The following STYXL1 variants were observed in gnomAD, a reference collection of about 807,000 sequenced individuals.
STYXL1 encodes serine/threonine/tyrosine-interacting-like protein 1.
A neutral mutation model predicts 36.4 loss-of-function variants in STYXL1; 32 were observed. That is an observed-to-expected ratio of 0.88 (90% confidence interval 0.66 to 1.18). STYXL1 has a LOEUF of 1.18. Among genes scored for constraint, STYXL1 ranks in the 50% most tolerant of loss-of-function variants. The pLI is 0.00. For missense variants in STYXL1, 354 were observed against 394.1 expected, an observed-to-expected ratio of 0.90 and a Z score of 0.86; for synonymous variants, 133 against 144.1, an observed-to-expected ratio of 0.92 and a Z score of 0.55.
chr7:76,013,624 C>G (rs994880252), intron 5 of STYXL1, 118 bp downstream of exon 5: 3 of 1,441,832 alleles, frequency 2.1e-6, no homozygotes, highest in Non-Finnish European at 2.9e-6. Context: ...AGAATCTCCT[C>G]CACTTTCTCT....
In STYXL1 at chr7:76,012,361, G is replaced by A. The variant is rs782127722; in HGVS notation, c.453+1381C>T. On this transcript the variant is annotated intron_variant, in intron 5 of 8. Transcript: ENST00000359697. ...CATGGCAACGGCTCACTGCAGCCTC[G>A]ACCTCCTGGGCTCAAGCAATCCACC... 1.1e-4 allele frequency among the ~76,000 whole-genome samples: 16 copies of A among 151,784 alleles called. No homozygotes were observed. In the East Asian group the frequency reaches 1.2e-3, roughly 11 times the overall value.
At chr7:75,998,003 G>A (rs781932484) in intron 8 of STYXL1, among the ~76,000 whole-genome samples, 12 of 152,138 alleles carry the variant, frequency 7.9e-5, no homozygotes, top group Non-Finnish European at 1.5e-4. Context: ...ATATTATTAA[G>A]ATGCCAATAC....
At position 75,996,563 on chromosome 7, in the gene STYXL1, T is replaced by C; in HGVS notation, c.847A>G (p.Met283Val). 4 of 1,614,182 alleles carry C rather than the reference T, an allele frequency of 2.5e-6. No homozygotes were observed. Among genetic ancestry groups the C allele is most frequent in the Non-Finnish European group, 3.4e-6 (4 of 1,180,010 alleles). The change falls in exon 9 of 9, where the codon ATG (methionine) becomes GTG (valine). Residue 283 changes from methionine to valine, a missense_variant. Transcript: ENST00000359697. ...WAYVKKCKNN[M>V]CPNRGLVSQL... Reference sequence around the variant, plus strand: ...CTCACCAATCCCCGATTTGGACACATGTTGTTTTTGCACTTCTTGACATAG... The same window carrying C: ...CTCACCAATCCCCGATTTGGACACACGTTGTTTTTGCACTTCTTGACATAG...
rs782126201 is a variant in STYXL1, at chr7:76,005,231, T to C, written c.599+28A>G. ...ATATTATATAAAAAATAAAATGAAA[T>C]ATAAATCAGTAGTTTCTCTTTACTT... On this transcript the variant is annotated intron_variant, in intron 6 of 8. Coordinates refer to ENST00000359697, the MANE Select transcript of STYXL1 (RefSeq NM_001317785.2). 4.7e-6 allele frequency: 6 copies of C among 1,288,354 alleles called. 1 individual carries two copies. Among genetic ancestry groups the C allele is most frequent in the Non-Finnish European group, 6.1e-6 (6 of 987,908 alleles). The allele number at this position is 1,288,354 out of a possible 1,614,324, so 79.8% of individuals were successfully genotyped here. A position where few individuals can be genotyped will look rare whatever the true frequency, so the allele number is the denominator to read the frequency against.
intron 4 of STYXL1, among the ~76,000 whole-genome samples, chr7:76,018,056 C>T (rs1002309218): frequency 1.7e-4 from 26 of 151,552 alleles, no homozygotes; most frequent in African/African-American, 6.3e-4. Flanking sequence ...TTATTTGAGA[C>T]AGAGTCTCAC....
chr7:76,000,601 G>A (rs1585172928), intron 8 of STYXL1: 1 of 530,714 alleles, frequency 1.9e-6, no homozygotes, highest in East Asian at 4.8e-5. Context: ...TCTCCCTTGG[G>A]CAACACCAAA....
At chr7:76,006,950 T>A (rs1472074201) in intron 5 of STYXL1, among the ~76,000 whole-genome samples, 1 of 152,126 alleles carries the variant, frequency 6.6e-6, no homozygotes, top group Non-Finnish European at 1.5e-5. Flanking sequence ...GTGTTCCACA[T>A]CCATATATTC....
At chr7:76,022,597 G>A (rs929171585) in intron 3 of STYXL1, among the ~76,000 whole-genome samples, 24 of 152,100 alleles carry the variant, frequency 1.6e-4, no homozygotes, top group African/African-American at 4.6e-4. Flanking sequence ...CCCAGGAGGC[G>A]GAGGCTGCAG....
Position 76,028,709 on chromosome 7 carries a change from A to T in STYXL1, c.104-6T>A. 1 of 1,613,978 alleles carries T rather than the reference A, an allele frequency of 6.2e-7. No homozygotes were observed. The highest frequency in any genetic ancestry group is 2.2e-5 in the East Asian group (1 of 44,892). ...CTCCCATTTGGAACGGACATCTGGA[A>T]AGGAAACGTATTTAAGAACTGAATT... On this transcript the variant is annotated splice_region_variant and splice_polypyrimidine_tract_variant and intron_variant, in intron 2 of 8. Transcript: ENST00000359697.
intron 1 of STYXL1, among the ~76,000 whole-genome samples, chr7:76,031,445 T>C (rs998715018): frequency 2.6e-5 from 4 of 151,124 alleles, no homozygotes; most frequent in African/African-American, 9.7e-5. Flanking sequence ...CTGGGCGCAG[T>C]AGCTCACGCC....
At chr7:76,046,898 G>T (rs1276363797) in intron 1 of STYXL1, among the ~76,000 whole-genome samples, 2 of 150,798 alleles carry the variant, frequency 1.3e-5, no homozygotes, top group Non-Finnish European at 3.0e-5. Flanking sequence ...TGATCGGCCC[G>T]CCTCAGCCTC....
intron 1 of STYXL1, among the ~76,000 whole-genome samples, chr7:76,030,821 G>A (rs1480789582): frequency 5.8e-5 from 8 of 137,772 alleles, no homozygotes; most frequent in Admixed American, 7.8e-5. Context: ...AGACCAGCCC[G>A]GCCAACAATG....
At chr7:76,035,723 C>T (rs1585325960) in intron 1 of STYXL1, among the ~76,000 whole-genome samples, 1 of 149,918 alleles carries the variant, frequency 6.7e-6, no homozygotes. Flanking sequence ...AAACTAAAAG[C>T]TGGCTCCTAA....
chr7:76,034,662 A>G (rs1376207960), intron 1 of STYXL1, among the ~76,000 whole-genome samples: 1 of 152,088 alleles, frequency 6.6e-6, no homozygotes, highest in Non-Finnish European at 1.5e-5. Flanking sequence ...AGGTAACTCT[A>G]TGTGTGGGGA....
intron 8 of STYXL1, among the ~76,000 whole-genome samples, chr7:75,998,213 G>C (rs540676670): frequency 2.0e-5 from 3 of 152,172 alleles, no homozygotes; most frequent in African/African-American, 7.2e-5. Context: ...AATCAAAACA[G>C]TATGGTATGG....
Position 76,021,350 on chromosome 7 carries a change from G to A in STYXL1, c.307+501C>T, listed in dbSNP as rs548590512. The stretch of plus-strand genomic sequence containing the variant: ...CCCGCCTCGGCCTCCCAAAGTGCTG[G>A]GATTACAGGCATGAGCCACCGCGCC... On this transcript the variant is annotated intron_variant, in intron 4 of 8. Transcript: ENST00000359697. 1.2e-4 allele frequency among the ~76,000 whole-genome samples: 18 copies of A among 152,176 alleles called. No homozygotes were observed. The East Asian group carries it at 3.5e-3, about 29-fold the overall frequency.
At chr7:75,996,937 T>C (rs1383211545) in intron 8 of STYXL1, among the ~76,000 whole-genome samples, 5 of 152,350 alleles carry the variant, frequency 3.3e-5, no homozygotes, top group African/African-American at 9.6e-5. Flanking sequence ...AAGGTTTGCA[T>C]TGTGACTGGA....
intron 5 of STYXL1, among the ~76,000 whole-genome samples, chr7:76,011,796 A>C (rs555092341): frequency 2.0e-5 from 3 of 152,192 alleles, no homozygotes; most frequent in Non-Finnish European, 4.4e-5. Flanking sequence ...GGCTCTGGGA[A>C]GCTCAAGTGC....
At chr7:76,017,532 CG>C (rs1262132838) in intron 4 of STYXL1, among the ~76,000 whole-genome samples, 1 of 151,740 alleles carries the variant, frequency 6.6e-6, no homozygotes, top group Non-Finnish European at 1.5e-5. Context: ...AATAAAGATG[CG>C]GAACAACACA....
Sources: allele counts gnomAD v4.1 joint callset (sites outside exome capture counted in the v4.1 genomes callset), GRCh38; gene constraint gnomAD v4.1.1; transcripts MANE v1.5; gene names NCBI Gene and HGNC (gene_info 2026-07-23, HGNC 2026-07-21).